Variants in SEC31B observed in about 807,000 individuals in gnomAD.
SEC31B encodes the protein SEC31 homolog B, COPII component.
In SEC31B, 113 loss-of-function variants were observed where a neutral mutation model predicts 135.0. The observed-to-expected ratio is 0.84, with a 90% confidence interval of 0.72 to 0.98. The LOEUF is 0.98. Ranked by LOEUF, SEC31B falls within the 50% of genes least tolerant of loss-of-function variation. The probability of loss-of-function intolerance (pLI) is 0.00; values close to 1 mark genes in which losing one functional copy is unlikely to be tolerated. For missense variants in SEC31B, 1,296 were observed against 1,421.1 expected (o/e 0.91, Z 1.42); for synonymous variants, 508 against 549.4 (o/e 0.92, Z 1.05).
rs527366544 is a variant in SEC31B, at chr10:100,488,868, G to A, written c.3278C>T (p.Ala1093Val). The part of the protein sequence containing the change: ...EALLQRCSLS[A>V]TDLKTKRKLE... ...AAGGTTCAGACTTACTAAGTCAGTTGCAGACAGGGAGCAGCGTTGGAGAAG... is the reference window on the plus strand; with the variant it reads ...AAGGTTCAGACTTACTAAGTCAGTTACAGACAGGGAGCAGCGTTGGAGAAG... Residue 1093 changes from alanine (A) to valine (V), a missense_variant, in exon 24 of 26, where the codon GCA (alanine) becomes GTA (valine). By Grantham distance (64) the Ala-to-Val change is moderately conservative. Transcript: ENST00000370345. The A allele has an allele frequency of 2.6e-5, 41 of 1,596,116 alleles. No individual in the cohort carries two copies. The Admixed American group carries it at 5.4e-4, about 21-fold the overall frequency.
intron 7 of SEC31B, 101 bp from the exon 8 acceptor site, chr10:100,506,521 T>A (rs1294509416): frequency 9.9e-6 from 9 of 909,634 alleles, no homozygotes; most frequent in Non-Finnish European, 1.5e-5. Flanking sequence ...TATCAGACCA[T>A]CCATGCCCTA....
chr10:100,493,009 T>C (rs1403839043), intron 19 of SEC31B, among the ~76,000 whole-genome samples: 1 of 152,328 alleles, frequency 6.6e-6, no homozygotes, highest in South Asian at 2.1e-4. Flanking sequence ...TGAATACTCA[T>C]AGCAGCTTTA....
At chr10:100,519,561 G>A (rs1014503507) in intron 1 of SEC31B, among the ~76,000 whole-genome samples, 28 of 152,376 alleles carry the variant, frequency 1.8e-4, no homozygotes, top group Admixed American at 5.9e-4. Flanking sequence ...CCCTCATCCG[G>A]CTGGGGGTTC....
chr10:100,489,502 G>T, intron 22 of SEC31B, 104 bp from the exon 23 acceptor site: 2 of 1,447,150 alleles, frequency 1.4e-6, no homozygotes, highest in Non-Finnish European at 1.9e-6. Context: ...AGAAGAGTGA[G>T]TGTGGGAAAC....
intron 10 of SEC31B, 109 bp from the exon 11 acceptor site, chr10:100,502,593 T>C: frequency 1.5e-6 from 1 of 686,688 alleles, no homozygotes; most frequent in Non-Finnish European, 2.4e-6. Flanking sequence ...GGCTAGGAAA[T>C]AAATAAAATA....
chr10:100,492,308 T>C (rs1295289543), intron 19 of SEC31B, among the ~76,000 whole-genome samples: 1 of 152,204 alleles, frequency 6.6e-6, no homozygotes, highest in East Asian at 1.9e-4. Context: ...CACTGCAACC[T>C]CCACCTCCCG....
intron 14 of SEC31B, 35 bp downstream of exon 14, chr10:100,498,670 G>A (rs1463009099): frequency 8.6e-6 from 13 of 1,519,764 alleles, no homozygotes; most frequent in Non-Finnish European, 9.1e-6. Context: ...CTAGTCCTAA[G>A]CAGAGACTCT....
Position 100,490,053 on chromosome 10 carries a change from A to C in SEC31B, c.2920T>G (p.Cys974Gly). The C allele has an allele frequency of 6.4e-7, 1 of 1,562,474 alleles. No individual in the cohort carries two copies. Among genetic ancestry groups the C allele is most frequent in the Non-Finnish European group, 8.6e-7 (1 of 1,158,610 alleles). ...PYLPGDPGAP[C>G]SSVLPTTGIL... is the part of the protein sequence containing the mutation. Reference sequence around the variant, plus strand: ...CCAGTGGTTGGGAGGACACTAGAGCATGGGGCACCTGGGTCCCCTGGAAGG... The same window carrying C: ...CCAGTGGTTGGGAGGACACTAGAGCCTGGGGCACCTGGGTCCCCTGGAAGG... Residue 974 changes from cysteine (C) to glycine (G), a missense_variant, in exon 21 of 26, where the codon TGC (cysteine) becomes GGC (glycine). Cys to Gly is a radical substitution (Grantham distance 159). Transcript: ENST00000370345.
Position 100,486,916 on chromosome 10 carries a change from G to A in SEC31B, c.*700C>T, listed in dbSNP as rs1851194427. On this transcript the variant is annotated 3_prime_UTR_variant, in exon 26 of 26. Transcript: ENST00000370345. ...CAAGGGCAGTTCCCCATAGGCTGTG[G>A]TTCCCCTGCTCCTGTCTCACAGCCT... The A allele has an allele frequency of 6.6e-6, 1 of 152,366 alleles. No homozygotes were observed. The highest frequency in any genetic ancestry group is 1.5e-5 in the Non-Finnish European group (1 of 68,162). The allele number at this position is 152,366 out of a possible 1,614,324, so 9.4% of individuals were successfully genotyped here. A position where few individuals can be genotyped will look rare whatever the true frequency, so the allele number is the denominator to read the frequency against.
chr10:100,502,588 G>C, intron 10 of SEC31B, 104 bp from the exon 11 acceptor site: 1 of 702,568 alleles, frequency 1.4e-6, no homozygotes, highest in South Asian at 1.9e-5. Flanking sequence ...CCCTAGGCTA[G>C]GAAATAAATA....
chr10:100,513,533 C>A (rs1851771918), intron 3 of SEC31B, among the ~76,000 whole-genome samples: 1 of 152,034 alleles, frequency 6.6e-6, no homozygotes. Context: ...GTGGTACCAT[C>A]TTGTTGGCTC....
chr10:100,498,434 A>G (rs567003878), intron 14 of SEC31B: 1 of 608,782 alleles, frequency 1.6e-6, no homozygotes, highest in Non-Finnish European at 2.9e-6. Flanking sequence ...GCACAGTGTG[A>G]GGTGTGCTTG....
In SEC31B at chr10:100,495,410, C is replaced by A. The variant is rs1399015596; in HGVS notation, c.2447G>T (p.Arg816Ile). ...CTGGTGAGAAGGCTGGGATCCCAAT[C>A]TGTAAGATGATGTCTCTTTAGAGTG... ...TLHSKETSSYRLGSQPSHQVP... is the reference protein window; with the variant it reads ...TLHSKETSSYILGSQPSHQVP... The change falls in exon 19 of 26, where the codon AGA becomes ATA. Residue 816 changes from arginine to isoleucine, a missense_variant. Physicochemically the swap from Arg to Ile is moderately conservative, Grantham distance 97. Transcript: ENST00000370345. 2 of 1,613,760 alleles carry A rather than the reference C, an allele frequency of 1.2e-6. No individual in the cohort carries two copies. Among genetic ancestry groups the A allele is most frequent in the South Asian group, 1.1e-5 (1 of 90,976 alleles).
chr10:100,506,284 C>T (rs1263818138), intron 8 of SEC31B, 37 bp downstream of exon 8: 1 of 1,614,136 alleles, frequency 6.2e-7, no homozygotes, highest in Non-Finnish European at 8.5e-7. Flanking sequence ...TACCCTCTCT[C>T]TCCCATCCCA....
In SEC31B at chr10:100,508,258, C is replaced by G. The variant is rs115117625; in HGVS notation, c.496-207G>C. ...GTGTAGAAGCAGAGGGGATGGCAGG[C>G]ACATCTAAGTTTTACTCCTACCCAA... On this transcript the variant is annotated intron_variant, in intron 5 of 25. Transcript: ENST00000370345. Among the ~76,000 whole-genome samples, 1,045 of 152,228 alleles carry G rather than the reference C, an allele frequency of 6.9e-3. 12 individuals are homozygous for G. The highest frequency in any genetic ancestry group is 0.023 in the African/African-American group (970 of 41,518).
intron 16 of SEC31B, 184 bp from the exon 17 acceptor site, chr10:100,497,464 T>A: frequency 6.8e-7 from 1 of 1,472,124 alleles, no homozygotes; most frequent in Non-Finnish European, 9.0e-7. Context: ...CAAGACAAGG[T>A]AAAACAGGAC....
At position 100,498,207 on chromosome 10, in the gene SEC31B, T is replaced by C; in HGVS notation, c.1685A>G (p.Asp562Gly). The change falls in exon 15 of 26, where the codon GAT (aspartate) becomes GGT (glycine). Residue 562 changes from aspartate to glycine, a missense_variant and splice_region_variant. Physicochemically the swap from Asp to Gly is moderately conservative, Grantham distance 94. Coordinates refer to ENST00000370345, the MANE Select transcript of SEC31B (RefSeq NM_015490.4). ...AGCCTGGCTTAGGAGTCCATCAATA[T>C]CTGCAGGCAGAAGCATCCCCTGTGC... is the stretch of plus-strand genomic sequence containing the variant. ...MTPWEIPITKDIDGLLSQALL... is the reference protein window; with the variant it reads ...MTPWEIPITKGIDGLLSQALL... The C allele has an allele frequency of 6.2e-7, 1 of 1,614,066 alleles. No individual in the cohort carries two copies. The highest frequency in any genetic ancestry group is 2.2e-5 in the East Asian group (1 of 44,874).
chr10:100,496,416 C>T lies in SEC31B; in HGVS notation c.2152G>A (p.Val718Met). Residue 718 changes from valine (V) to methionine (M), a missense_variant, in exon 18 of 26, where the codon GTG becomes ATG. Physicochemically the swap from Val to Met is conservative, Grantham distance 21. Coordinates refer to ENST00000370345, the MANE Select transcript of SEC31B (RefSeq NM_015490.4). ...PMALQDLMEK[V>M]MVLNRSLEQL... is the part of the protein sequence containing the mutation. ...TCCAAGCTCCTGTTAAGAACCATCACCTTCTCCATCAGGTCCTGTAAGGGC... is the reference window on the plus strand; with the variant it reads ...TCCAAGCTCCTGTTAAGAACCATCATCTTCTCCATCAGGTCCTGTAAGGGC... 6.2e-7 allele frequency: 1 copy of T among 1,614,130 alleles called. No homozygotes were observed. Among genetic ancestry groups the T allele is most frequent in the Non-Finnish European group, 8.5e-7 (1 of 1,180,010 alleles).
intron 10 of SEC31B, 131 bp from the exon 11 acceptor site, chr10:100,502,615 G>A: frequency 1.6e-6 from 1 of 635,340 alleles, no homozygotes; most frequent in Non-Finnish European, 2.7e-6. Context: ...GAGAGTTCCT[G>A]GGGGGTGGAA....
Sources: gnomAD v4.1 joint callset for allele counts (sites outside exome capture counted in the v4.1 genomes callset) on GRCh38, gnomAD v4.1.1 for gene constraint, MANE v1.5 for transcripts, NCBI Gene and HGNC (gene_info 2026-07-23, HGNC 2026-07-21) for gene names.